Variants in AIG1 observed in about 807,000 individuals in gnomAD.
AIG1 encodes the protein androgen induced 1.
Under a neutral mutation model 31.4 loss-of-function variants are expected in AIG1, and 23 were observed. That is an observed-to-expected ratio of 0.73 (90% confidence interval 0.53 to 1.04). The LOEUF is 1.04. Ranked by LOEUF, AIG1 falls within the 50% of genes least tolerant of loss-of-function variation. The pLI is 0.00. For synonymous variants in AIG1, 100 were observed against 110.5 expected (o/e 0.90, Z 0.60); for missense variants, 274 against 295.0 (o/e 0.93, Z 0.52).
chr6:143,114,065 C>T lies in AIG1; in HGVS notation c.142-22770C>T, dbSNP rs1226347068. On this transcript the variant is annotated intron_variant, in intron 1 of 5. Coordinates refer to ENST00000357847, the MANE Select transcript of AIG1 (RefSeq NM_016108.4). ...CTAGGATTACAGGTGTGAGCCACCG[C>T]GCCTGGCCGGAAATGTTTTCTTAAC... 3.9e-5 allele frequency among the ~76,000 whole-genome samples: 6 copies of T among 152,164 alleles called. No individual in the cohort carries two copies. The East Asian group carries it at 5.8e-4, about 15-fold the overall frequency.
At position 143,334,131 on chromosome 6, in the gene AIG1, C is replaced by T; in HGVS notation, c.679+686C>T. 1 of 1,546,824 alleles carries T rather than the reference C, an allele frequency of 6.5e-7. No homozygotes were observed. The highest frequency in any genetic ancestry group is 8.7e-7 in the Non-Finnish European group (1 of 1,144,092). On this transcript the variant is annotated intron_variant, in intron 5 of 5. Transcript: ENST00000357847. This position sits in a 1 kb window ranked among gnomAD's most constrained non-coding sequence, Gnocchi z 5.1. ...TTATCCAAGCTGTGCAAAACCTGTC[C>T]AAAGTGTATGTACAATAACATAAAA... is the stretch of plus-strand genomic sequence containing the variant.
intron 3 of AIG1, chr6:143,190,472 G>A (rs978635570): frequency 3.0e-6 from 3 of 985,272 alleles, no homozygotes; most frequent in Admixed American, 1.2e-4. Context: ...TCATTATTTA[G>A]TCTGATCAGA....
rs79007760 is a variant in AIG1, at chr6:143,275,045, T to C, written c.400-9065T>C. On this transcript the variant is annotated intron_variant, in intron 3 of 5. Coordinates refer to ENST00000357847, the MANE Select transcript of AIG1 (RefSeq NM_016108.4). The stretch of plus-strand genomic sequence containing the variant: ...AGGGATGAAATAAATATTTTCTTTG[T>C]TTACCTGTCAAATTGACATTTACAA... 8.5e-5 allele frequency among the ~76,000 whole-genome samples: 13 copies of C among 152,356 alleles called. No homozygotes were observed. In the East Asian group the frequency reaches 2.3e-3, roughly 27 times the overall value.
At chr6:143,131,367 AACCTGTGAAT>A (rs1424070991) in intron 1 of AIG1, among the ~76,000 whole-genome samples, 3 of 152,238 alleles carry the variant, frequency 2.0e-5, no homozygotes, top group Non-Finnish European at 4.4e-5. Flanking sequence ...TAATGTCAGG[AACCTGTGAAT>A]ATGATGAGAT....
chr6:143,317,097 C>G (rs772514893), intron 4 of AIG1, among the ~76,000 whole-genome samples: 5 of 151,990 alleles, frequency 3.3e-5, no homozygotes, highest in Middle Eastern at 3.4e-3. Context: ...AGAATTGGTA[C>G]CATTCCTATT....
At chr6:143,167,101 G>A (rs1204508372) in intron 3 of AIG1, among the ~76,000 whole-genome samples, 4 of 152,114 alleles carry the variant, frequency 2.6e-5, no homozygotes, top group Non-Finnish European at 5.9e-5. Context: ...TCAATAATTA[G>A]GTACGTATTT....
intron 5 of AIG1, 138 bp from the exon 6 acceptor site, chr6:143,339,501 A>G (rs746016901): frequency 1.3e-6 from 1 of 763,950 alleles, no homozygotes; most frequent in Non-Finnish European, 2.1e-6. Flanking sequence ...AGGAGGGAAT[A>G]GGGGGTGTGT....
At chr6:143,173,609 AT>A (rs1266245095) in intron 3 of AIG1, among the ~76,000 whole-genome samples, 1 of 152,166 alleles carries the variant, frequency 6.6e-6, no homozygotes, top group African/African-American at 2.4e-5. Flanking sequence ...AGTTCAAAGA[AT>A]TTTTTGATTT....
chr6:143,196,350 A>AACACACACACACAC lies in AIG1; in HGVS notation c.399+31200_399+31213dup, dbSNP rs71784011. 8.3e-4 allele frequency among the ~76,000 whole-genome samples: 118 copies of AACACACACACACAC among 141,716 alleles called. 1 individual carries two copies. The highest frequency in any genetic ancestry group is 1.2e-3 in the African/African-American group (46 of 38,084). 93.0% of individuals were successfully genotyped at this position (141,716 alleles called of 152,430 possible). A position where few individuals can be genotyped will look rare whatever the true frequency, so the allele number is the denominator to read the frequency against. Reference sequence around the variant, plus strand: ...TCAGCACATCAAAAGCAACAAAAGCAACACACACACACACACACACACACA... The same window carrying AACACACACACACAC: ...TCAGCACATCAAAAGCAACAAAAGCAACACACACACACACACACACACACACACACACACACACA... On this transcript the variant is annotated intron_variant, in intron 3 of 5. Transcript: ENST00000357847.
chr6:143,263,581 C>T (rs1043239336), intron 3 of AIG1, among the ~76,000 whole-genome samples: 1 of 151,972 alleles, frequency 6.6e-6, no homozygotes, highest in African/African-American at 2.4e-5. Flanking sequence ...AATGTAGAAA[C>T]AAGAAAGATC....
chr6:143,249,000 A>AT (rs971169075), intron 3 of AIG1, among the ~76,000 whole-genome samples: 3 of 152,158 alleles, frequency 2.0e-5, no homozygotes, highest in African/African-American at 4.8e-5. Context: ...CTTATATTTA[A>AT]TTTTGGTTTG....
intron 3 of AIG1, among the ~76,000 whole-genome samples, chr6:143,231,061 C>T (rs949735637): frequency 2.0e-5 from 3 of 152,274 alleles, no homozygotes; most frequent in East Asian, 3.9e-4. Flanking sequence ...ATAAATGAAC[C>T]GCCACCCAGC....
intron 1 of AIG1, among the ~76,000 whole-genome samples, chr6:143,104,067 C>T (rs377599641): frequency 6.7e-4 from 102 of 152,282 alleles, no homozygotes; most frequent in African/African-American, 2.3e-3. Flanking sequence ...CAACCACAGA[C>T]TTGTTCCCCA....
Position 143,279,116 on chromosome 6 carries a change from T to C in AIG1, c.400-4994T>C, listed in dbSNP as rs1797165721. Among the ~76,000 whole-genome samples the C allele has an allele frequency of 6.6e-6, 1 of 152,190 alleles. No homozygotes were observed. Among genetic ancestry groups the C allele is most frequent in the South Asian group, 2.1e-4 (1 of 4,822 alleles). ...TGTACGTGTGTATACGTATATGATG[T>C]TTTATGACAGCATTGGTATACAGAT... On this transcript the variant is annotated intron_variant, in intron 3 of 5. Coordinates refer to ENST00000357847, the MANE Select transcript of AIG1 (RefSeq NM_016108.4). The surrounding 1 kb of genome is among the most constrained non-coding windows in gnomAD (Gnocchi z 5.4).
chr6:143,176,691 T>C (rs1788200946), intron 3 of AIG1, among the ~76,000 whole-genome samples: 1 of 152,242 alleles, frequency 6.6e-6, no homozygotes, highest in South Asian at 2.1e-4. Context: ...AAAGCTGGTC[T>C]CGCTCCCACC....
intron 3 of AIG1, among the ~76,000 whole-genome samples, chr6:143,259,948 G>A (rs777090303): frequency 1.8e-4 from 28 of 151,632 alleles, no homozygotes; most frequent in African/African-American, 2.4e-4. Context: ...ATTCTGTAGC[G>A]TATGTGGCCA....
intron 5 of AIG1, among the ~76,000 whole-genome samples, chr6:143,337,630 T>C (rs1488485121): frequency 6.6e-6 from 1 of 152,110 alleles, no homozygotes; most frequent in Non-Finnish European, 1.5e-5. Flanking sequence ...AACCAAAAGG[T>C]TGGTGTGAGG....
upstream of AIG1, chr6:143,060,397 T>C (rs150178040): frequency 4.2e-3 from 779 of 186,654 alleles, 6 homozygotes; most frequent in South Asian, 7.0e-3. Flanking sequence ...CAACTGCAAC[T>C]ACCCCAGGAA....
rs9496554 is a variant in AIG1, at chr6:143,273,882, C to T, written c.400-10228C>T. On this transcript the variant is annotated intron_variant, in intron 3 of 5. Coordinates refer to ENST00000357847, the MANE Select transcript of AIG1 (RefSeq NM_016108.4). ...AGATGAGAATTGGGTGAGGACACAG[C>T]CAAACCATATCAGTTTCCAAAATAC... Among the ~76,000 whole-genome samples, 1,268 of 152,208 alleles carry T rather than the reference C, an allele frequency of 8.3e-3. 13 individuals carry two copies. Among genetic ancestry groups the T allele is most frequent in the African/African-American group, 0.029 (1,218 of 41,536 alleles).
Sources: allele counts gnomAD v4.1 joint callset (sites outside exome capture counted in the v4.1 genomes callset), GRCh38; gene constraint gnomAD v4.1.1; non-coding constraint Gnocchi (gnomAD v3.1); transcripts MANE v1.5; gene names NCBI Gene and HGNC (gene_info 2026-07-23, HGNC 2026-07-21).